The following DPP6 variants were observed in gnomAD, a reference collection of about 807,000 sequenced individuals.
DPP6 encodes the protein A-type potassium channel modulatory protein DPP6.
DPP6 carries 69 observed loss-of-function variants against 122.6 expected under a neutral mutation model. The ratio of observed to expected loss-of-function variants is 0.56; its 90% CI spans 0.46 to 0.69. DPP6 has a LOEUF of 0.69. Among genes scored for constraint, DPP6 ranks in the 30% least tolerant of loss-of-function variants. DPP6 has a pLI of 0.00. For synonymous variants in DPP6, 418 were observed against 433.1 expected, an observed-to-expected ratio of 0.97 and a Z score of 0.43; for missense variants, 928 against 1,116.9, an observed-to-expected ratio of 0.83 and a Z score of 2.41.
At chr7:153,998,388 A>G (rs1797540791) in intron 1 of DPP6, among the ~76,000 whole-genome samples, 1 of 152,232 alleles carries the variant, frequency 6.6e-6, no homozygotes, top group African/African-American at 2.4e-5. Flanking sequence ...ATTGTTTTAT[A>G]AAGTTGATCC....
the DPP6 span, among the ~76,000 whole-genome samples, chr7:153,792,458 T>C: frequency 0.42 from 63,744 of 150,202 alleles, 12,599 homozygotes; most frequent in South Asian, 0.51. Flanking sequence ...CTTAGGGAAA[T>C]TCACCATTGA....
intron 3 of DPP6, among the ~76,000 whole-genome samples, chr7:154,510,496 A>C (rs1825979435): frequency 6.6e-6 from 1 of 151,960 alleles, no homozygotes; most frequent in Non-Finnish European, 1.5e-5. Context: ...TCAGGAGTTC[A>C]AGACCAGCCT....
chr7:154,363,741 A>G (rs1563548103), intron 1 of DPP6, among the ~76,000 whole-genome samples: 1 of 152,228 alleles, frequency 6.6e-6, no homozygotes, highest in Non-Finnish European at 1.5e-5. Flanking sequence ...ACATTTGGCC[A>G]TCTTTCTTTA....
At chr7:154,741,631 G>A (rs1842826123) in intron 8 of DPP6, among the ~76,000 whole-genome samples, 1 of 152,200 alleles carries the variant, frequency 6.6e-6, no homozygotes, top group Non-Finnish European at 1.5e-5. Context: ...GTTAACCAAG[G>A]AAGAGCCCAG....
chr7:154,848,244 A>G (rs1356053606), intron 16 of DPP6, among the ~76,000 whole-genome samples: 1 of 152,146 alleles, frequency 6.6e-6, no homozygotes, highest in African/African-American at 2.4e-5. Flanking sequence ...TTGAGGAACC[A>G]CCATATTGTT....
At chr7:154,139,790 A>G (rs1204889597) in intron 1 of DPP6, among the ~76,000 whole-genome samples, 2 of 152,130 alleles carry the variant, frequency 1.3e-5, no homozygotes, top group East Asian at 1.9e-4. Context: ...TCCATGCACT[A>G]TTTATGCTGG....
At position 154,064,243 on chromosome 7, in the gene DPP6, G is replaced by A. The variant is rs576709158; in HGVS notation, c.243+11180G>A. On this transcript the variant is annotated intron_variant, in intron 1 of 25. Transcript: ENST00000377770. ...CCTGGTCTTGATTGTTGGGGCCCTC[G>A]CAATCATTGCACTGGCCCGTCCTGC... Among the ~76,000 whole-genome samples the A allele has an allele frequency of 1.5e-4, 23 of 152,234 alleles. No individual in the cohort carries two copies. In the South Asian group the frequency reaches 3.3e-3, roughly 22 times the overall value.
chr7:154,583,507 T>C (rs1199548099), intron 5 of DPP6, among the ~76,000 whole-genome samples: 1 of 152,098 alleles, frequency 6.6e-6, no homozygotes, highest in East Asian at 1.9e-4. Flanking sequence ...TCTTCTCTTC[T>C]CTTGCGCACT....
chr7:154,358,627 T>A (rs1477951911), intron 1 of DPP6, among the ~76,000 whole-genome samples: 1 of 152,202 alleles, frequency 6.6e-6, no homozygotes, highest in Non-Finnish European at 1.5e-5. Flanking sequence ...TTTCCTTGCC[T>A]TCACATAAGG....
rs1041888139 is a variant in DPP6 at position 154,892,597 on chromosome 7, T to C, written c.*117T>C. ...GGGCGGGGCGGGGCCGGGTGTTCCA[T>C]AGCATGTGTGTCTCGGATGCGGAAG... On this transcript the variant is annotated 3_prime_UTR_variant, in exon 26 of 26. Transcript: ENST00000377770. The C allele has an allele frequency of 4.1e-4, 627 of 1,543,784 alleles. 3 individuals carry two copies. The highest frequency in any genetic ancestry group is 5.4e-4 in the Non-Finnish European group (614 of 1,146,468).
chr7:153,777,485 T>A, the DPP6 span, among the ~76,000 whole-genome samples: 1 of 128,572 alleles, frequency 7.8e-6, no homozygotes, highest in Non-Finnish European at 1.6e-5. Context: ...TGGAAACTAC[T>A]TAGGTAACTT....
the DPP6 span, among the ~76,000 whole-genome samples, chr7:153,805,597 C>G: frequency 6.6e-6 from 1 of 152,162 alleles, no homozygotes; most frequent in Admixed American, 6.5e-5. Context: ...AATGGTATTT[C>G]TAGCCCAAAT....
chr7:154,370,451 A>T (rs1812561201), intron 1 of DPP6, among the ~76,000 whole-genome samples: 1 of 152,088 alleles, frequency 6.6e-6, no homozygotes, highest in Non-Finnish European at 1.5e-5. Context: ...GCCCAAGTAG[A>T]TGATTGATTT....
intron 1 of DPP6, among the ~76,000 whole-genome samples, chr7:154,140,731 C>T (rs1795803033): frequency 6.6e-6 from 1 of 152,164 alleles, no homozygotes; most frequent in African/African-American, 2.4e-5. Context: ...TTTAGAAACA[C>T]TCAAAAATTT....
At chr7:154,587,924 C>A (rs765036434) in intron 5 of DPP6, 12 of 1,612,840 alleles carry the variant, frequency 7.4e-6, no homozygotes, top group Non-Finnish European at 9.3e-6. Flanking sequence ...GGAGGCAGGA[C>A]TGCCAATGGC....
chr7:154,090,820 C>T (rs1436175384), intron 1 of DPP6, among the ~76,000 whole-genome samples: 1 of 150,048 alleles, frequency 6.7e-6, no homozygotes, highest in African/African-American at 2.5e-5. Context: ...TGTGTGGCTA[C>T]TTTCAAAATT....
chr7:154,136,786 G>A (rs1377357938), intron 1 of DPP6, among the ~76,000 whole-genome samples: 1 of 152,218 alleles, frequency 6.6e-6, no homozygotes, highest in African/African-American at 2.4e-5. Flanking sequence ...TGATAATTTA[G>A]GTAGAGTTCT....
At position 154,169,408 on chromosome 7, in the gene DPP6, A is replaced by G. The variant is rs1585540059; in HGVS notation, c.243+116345A>G. On this transcript the variant is annotated intron_variant, in intron 1 of 25. Transcript: ENST00000377770. ...GGCAAGCAGTTGGCTCCACTTCCAC[A>G]TGAGATGGCAGCAGGCATCGCTAAG... 3.9e-5 allele frequency among the ~76,000 whole-genome samples: 6 copies of G among 152,296 alleles called. No homozygotes were observed. In the South Asian group the frequency reaches 1.2e-3, roughly 32 times the overall value.
At chr7:154,800,122 A>G (rs936867259) in intron 12 of DPP6, among the ~76,000 whole-genome samples, 6 of 152,254 alleles carry the variant, frequency 3.9e-5, no homozygotes, top group Non-Finnish European at 7.3e-5. Context: ...AGTGCATTTT[A>G]AAAGCCAAAT....
Sources: gnomAD v4.1 joint callset for allele counts (sites outside exome capture counted in the v4.1 genomes callset) on GRCh38, gnomAD v4.1.1 for gene constraint, MANE v1.5 for transcripts, NCBI Gene and HGNC (gene_info 2026-07-23, HGNC 2026-07-21) for gene names.